Variants in RAP2A observed in about 807,000 individuals in gnomAD.
RAP2A encodes RAP2A, member of RAS oncogene family.
In RAP2A, 5 loss-of-function variants were observed where a neutral mutation model predicts 15.1. The ratio of observed to expected loss-of-function variants is 0.33; its 90% confidence interval spans 0.17 to 0.70. The LOEUF (loss-of-function observed/expected upper bound fraction) is 0.70, where lower values mean the gene tolerates loss of function less well. Among genes scored for constraint, RAP2A ranks in the 30% least tolerant of loss-of-function variants. The pLI is 0.68. For synonymous variants in RAP2A, 110 were observed against 99.7 expected (o/e 1.10, Z -0.62); for missense variants, 111 against 240.3 (o/e 0.46, Z 3.56).
Position 97,467,780 on chromosome 13 carries a change from T to C in RAP2A, c.*3338T>C, listed in dbSNP as rs2066778863. 1 of 152,588 alleles carries C rather than the reference T, an allele frequency of 6.6e-6. No homozygotes were observed. Among genetic ancestry groups the C allele is most frequent in the Non-Finnish European group, 1.5e-5 (1 of 68,022 alleles). 9.5% of individuals were successfully genotyped at this position (152,588 alleles called of 1,614,324 possible). A position where few individuals can be genotyped will look rare whatever the true frequency, so the allele number is the denominator to read the frequency against. ...TGGAAACAGACTTATCATTATTGATTTGAGGTTTCCCAGAGATATAGTTCA... is the reference window on the plus strand; with the variant it reads ...TGGAAACAGACTTATCATTATTGATCTGAGGTTTCCCAGAGATATAGTTCA... On this transcript the variant is annotated 3_prime_UTR_variant, in exon 2 of 2. Transcript: ENST00000245304.
chr13:97,452,900 T>C (rs1029287904), intron 1 of RAP2A, among the ~76,000 whole-genome samples: 1 of 151,488 alleles, frequency 6.6e-6, no homozygotes, highest in Non-Finnish European at 1.5e-5. Flanking sequence ...TCTTTGGTGC[T>C]ACTGTAAATG....
At chr13:97,458,096 G>A (rs376737741) in intron 1 of RAP2A, among the ~76,000 whole-genome samples, 3 of 152,058 alleles carry the variant, frequency 2.0e-5, no homozygotes, top group African/African-American at 4.8e-5. Context: ...ATGTTCAGAC[G>A]TAAGCTCCAA....
intron 1 of RAP2A, among the ~76,000 whole-genome samples, chr13:97,441,210 G>A (rs2066656257): frequency 6.6e-6 from 1 of 152,064 alleles, no homozygotes; most frequent in African/African-American, 2.4e-5. Flanking sequence ...TAAAGAATCA[G>A]CAGCCTGTGA....
At chr13:97,442,973 ATGT>A (rs771870419) in intron 1 of RAP2A, among the ~76,000 whole-genome samples, 5 of 152,188 alleles carry the variant, frequency 3.3e-5, no homozygotes, top group Non-Finnish European at 5.9e-5. Flanking sequence ...TTCTCATGTA[ATGT>A]TGTTCATTCT....
intron 1 of RAP2A, among the ~76,000 whole-genome samples, chr13:97,444,461 T>C (rs1003243888): frequency 6.6e-6 from 1 of 152,204 alleles, no homozygotes; most frequent in Non-Finnish European, 1.5e-5. Context: ...TAGTTATATA[T>C]AGTAACATGC....
Position 97,464,316 on chromosome 13 carries a change from T to G in RAP2A, c.426T>G (p.Phe142Leu). The G allele has an allele frequency of 6.2e-7, 1 of 1,614,210 alleles. No homozygotes were observed. Among genetic ancestry groups the G allele is most frequent in the South Asian group, 1.1e-5 (1 of 91,086 alleles). The change falls in exon 2 of 2, where the codon TTT (phenylalanine) becomes TTG (leucine). Residue 142 changes from phenylalanine to leucine, a missense_variant. Transcript: ENST00000245304. Reference protein sequence around the residue: ...RALAEEWGCPFMETSAKSKTM... With the variant: ...RALAEEWGCPLMETSAKSKTM... ...TTGCTGAAGAGTGGGGCTGCCCCTTTATGGAAACTTCCGCTAAGAGTAAAA... is the reference window on the plus strand; with the variant it reads ...TTGCTGAAGAGTGGGGCTGCCCCTTGATGGAAACTTCCGCTAAGAGTAAAA...
chr13:97,446,669 T>C (rs979988801), intron 1 of RAP2A, among the ~76,000 whole-genome samples: 1 of 152,118 alleles, frequency 6.6e-6, no homozygotes, highest in Non-Finnish European at 1.5e-5. Context: ...AGCTACCACA[T>C]AGGAAGTCCA....
At chr13:97,441,722 C>T (rs779580797) in intron 1 of RAP2A, 1 of 429,692 alleles carries the variant, frequency 2.3e-6, no homozygotes, top group Non-Finnish European at 4.6e-6. Flanking sequence ...CTGTTTCTCT[C>T]CATCTATTCT....
rs1157916829 is a variant in RAP2A at position 97,468,533 on chromosome 13, A to G, written c.*4091A>G. 1 of 152,192 alleles carries G rather than the reference A, an allele frequency of 6.6e-6. No homozygotes were observed. The highest frequency in any genetic ancestry group is 2.4e-5 in the African/African-American group (1 of 41,446). 9.4% of individuals were successfully genotyped at this position (152,192 alleles called of 1,614,324 possible). A position where few individuals can be genotyped will look rare whatever the true frequency, so the allele number is the denominator to read the frequency against. On this transcript the variant is annotated 3_prime_UTR_variant, in exon 2 of 2. Coordinates refer to ENST00000245304, the MANE Select transcript of RAP2A (RefSeq NM_021033.7). ...AGGAGCCCATTCATTTCCTAAGCCA[A>G]TTTAAACTATGCCTTTTGGTTATGT...
Position 97,464,510 on chromosome 13 carries a change from C to G in RAP2A, c.*68C>G. ...TAGGTGATAGAAAACTCGCCTACTC[C>G]ACTGCAGAACTTGCAGAATGCGTGG... On this transcript the variant is annotated 3_prime_UTR_variant, in exon 2 of 2. Transcript: ENST00000245304. 1 of 1,405,884 alleles carries G rather than the reference C, an allele frequency of 7.1e-7. No individual in the cohort carries two copies. Among genetic ancestry groups the G allele is most frequent in the Non-Finnish European group, 1.0e-6 (1 of 997,972 alleles). The allele number at this position is 1,405,884 out of a possible 1,614,324, so 87.1% of individuals were successfully genotyped here.
chr13:97,461,714 A>C (rs1454128182), intron 1 of RAP2A, among the ~76,000 whole-genome samples: 1 of 152,132 alleles, frequency 6.6e-6, no homozygotes, highest in Non-Finnish European at 1.5e-5. Context: ...CTGTAATCCC[A>C]GCACTTTGGG....
chr13:97,436,359 A>G (rs1366172774), intron 1 of RAP2A, among the ~76,000 whole-genome samples: 1 of 152,208 alleles, frequency 6.6e-6, no homozygotes, highest in Admixed American at 6.5e-5. Context: ...TTAAAAAGAA[A>G]CAAACCAAAC....
intron 1 of RAP2A, chr13:97,437,668 T>C (rs1427688483): frequency 6.6e-6 from 1 of 152,248 alleles, no homozygotes; most frequent in Non-Finnish European, 1.5e-5. Flanking sequence ...AAGATGAGAC[T>C]AAAAAGCAAT....
Position 97,457,844 on chromosome 13 carries a change from A to T in RAP2A, c.315-6361A>T, listed in dbSNP as rs576960381. 1.1e-4 allele frequency among the ~76,000 whole-genome samples: 17 copies of T among 152,232 alleles called. No individual in the cohort carries two copies. The East Asian group carries it at 2.9e-3, about 26-fold the overall frequency. On this transcript the variant is annotated intron_variant, in intron 1 of 1. Transcript: ENST00000245304. ...ATTAAGTATTGCCAGGTATTTTTTTAAAATCATGACTTATTTAATTTGAGC... is the reference window on the plus strand; with the variant it reads ...ATTAAGTATTGCCAGGTATTTTTTTTAAATCATGACTTATTTAATTTGAGC...
chr13:97,451,622 C>T (rs1234009890), intron 1 of RAP2A, among the ~76,000 whole-genome samples: 1 of 152,050 alleles, frequency 6.6e-6, no homozygotes, highest in Admixed American at 6.6e-5. Context: ...AATGATGCTA[C>T]TAAGAACATT....
At chr13:97,447,294 G>A (rs931325492) in intron 1 of RAP2A, among the ~76,000 whole-genome samples, 2 of 152,340 alleles carry the variant, frequency 1.3e-5, no homozygotes, top group African/African-American at 4.8e-5. Flanking sequence ...ATGTATGTAT[G>A]TGCCCTTTGC....
chr13:97,434,308 T>TGCCGCC lies in RAP2A; in HGVS notation c.-152_-147dup, dbSNP rs1162266985. On this transcript the variant is annotated 5_prime_UTR_variant, in exon 1 of 2. Transcript: ENST00000245304. Reference sequence around the variant, plus strand: ...TGCCCAGGGCCGCTGCTCCCTCAGTTGCCGCCGCCGCCGCCGGCGCCCAGG... The same window carrying TGCCGCC: ...TGCCCAGGGCCGCTGCTCCCTCAGTTGCCGCCGCCGCCGCCGCCGCCGGCGCCCAGG... The TGCCGCC allele has an allele frequency of 6.7e-6, 2 of 298,504 alleles. No individual in the cohort carries two copies. The highest frequency in any genetic ancestry group is 1.4e-4 in the South Asian group (1 of 7,010). The allele number at this position is 298,504 out of a possible 1,614,324, so 18.5% of individuals were successfully genotyped here.
At position 97,434,753 on chromosome 13, in the gene RAP2A, C is replaced by T; in HGVS notation, c.283C>T (p.Pro95Ser). 2 of 1,614,126 alleles carry T rather than the reference C, an allele frequency of 1.2e-6. No homozygotes were observed. Among genetic ancestry groups the T allele is most frequent in the South Asian group, 1.1e-5 (1 of 91,080 alleles). The change falls in exon 1 of 2, where the codon CCC becomes TCC. Residue 95 changes from proline to serine, a missense_variant. Around this residue, in one of 3 missense-constraint regions of RAP2A, gnomAD observed 74 missense variants for 132.3 expected, o/e 0.56. Coordinates refer to ENST00000245304, the MANE Select transcript of RAP2A (RefSeq NM_021033.7). The stretch of plus-strand genomic sequence containing the variant: ...CCAGCAGAGCTTCCAGGACATCAAG[C>T]CCATGCGGGACCAGATCATCCGCGT... ...VNQQSFQDIKPMRDQIIRVKR... is the reference protein window; with the variant it reads ...VNQQSFQDIKSMRDQIIRVKR...
chr13:97,447,845 G>T (rs186132444), intron 1 of RAP2A, among the ~76,000 whole-genome samples: 83 of 152,268 alleles, frequency 5.5e-4, no homozygotes, highest in African/African-American at 1.8e-3. Flanking sequence ...GGATACAGCT[G>T]CATATAAAAC....
Sources: gnomAD v4.1 joint callset for allele counts (sites outside exome capture counted in the v4.1 genomes callset) on GRCh38, gnomAD v4.1.1 for gene constraint, gnomAD v4.1.1 regional missense constraint, MANE v1.5 for transcripts, NCBI Gene and HGNC (gene_info 2026-07-23, HGNC 2026-07-21) for gene names.